The following ZRANB3 variants were observed in gnomAD, a reference collection of about 807,000 sequenced individuals.
ZRANB3 encodes the protein DNA annealing helicase and endonuclease ZRANB3.
Under a neutral mutation model 133.8 loss-of-function variants are expected in ZRANB3, and 125 were observed. That is an observed-to-expected ratio of 0.93 (90% CI 0.81 to 1.08). The LOEUF (loss-of-function observed/expected upper bound fraction) is 1.08. Ranked by LOEUF, ZRANB3 falls within the 50% of genes least tolerant of loss-of-function variation. The pLI, the probability that ZRANB3 is intolerant of heterozygous loss-of-function variation, is 0.00. For synonymous variants in ZRANB3, 387 were observed against 432.7 expected (o/e 0.89, Z 1.31); for missense variants, 1,229 against 1,275.5 (o/e 0.96, Z 0.56).
intron 2 of ZRANB3, among the ~76,000 whole-genome samples, chr2:135,484,267 C>A (rs1023320121): frequency 2.6e-5 from 4 of 152,048 alleles, no homozygotes; most frequent in Non-Finnish European, 5.9e-5. Flanking sequence ...TATGTCAGAA[C>A]AATAGCCATA....
At chr2:135,499,953 T>A (rs1270678203) in intron 2 of ZRANB3, among the ~76,000 whole-genome samples, 1 of 152,160 alleles carries the variant, frequency 6.6e-6, no homozygotes, top group African/African-American at 2.4e-5. Context: ...ATATGACTAG[T>A]GTCCATATAA....
intron 6 of ZRANB3, among the ~76,000 whole-genome samples, chr2:135,340,064 T>C (rs1272177721): frequency 1.3e-5 from 2 of 151,934 alleles, no homozygotes; most frequent in African/African-American, 4.8e-5. Flanking sequence ...CTGGAATTTA[T>C]TGTTGTGTAA....
rs567326297 is a variant in ZRANB3 at position 135,256,010 on chromosome 2, G to A, written c.1539+9524C>T. Among the ~76,000 whole-genome samples the A allele has an allele frequency of 8.0e-4, 121 of 151,436 alleles. 1 individual carries two copies. Among genetic ancestry groups the A allele is most frequent in the African/African-American group, 2.6e-3 (107 of 41,220 alleles). On this transcript the variant is annotated intron_variant, in intron 12 of 20. Transcript: ENST00000264159. ...CTCACTACAGACTCGACCGCCCTGG[G>A]CTCAGGTGATCCTCTCACCTCAGCC...
chr2:135,384,483 A>T (rs535447798), intron 3 of ZRANB3, among the ~76,000 whole-genome samples: 1 of 152,352 alleles, frequency 6.6e-6, no homozygotes, highest in Admixed American at 6.5e-5. Flanking sequence ...AATCCTCCCT[A>T]ACTCATTTTA....
chr2:135,383,549 C>T (rs546379160), intron 3 of ZRANB3, among the ~76,000 whole-genome samples: 3 of 152,274 alleles, frequency 2.0e-5, no homozygotes, highest in Non-Finnish European at 4.4e-5. Flanking sequence ...ATACATTCTT[C>T]TCAGCACCAC....
chr2:135,257,462 G>A (rs1679717873), intron 12 of ZRANB3, among the ~76,000 whole-genome samples: 1 of 152,108 alleles, frequency 6.6e-6, no homozygotes, highest in Non-Finnish European at 1.5e-5. Context: ...TACGATTGCT[G>A]GGTCATATGG....
At chr2:135,447,072 G>A (rs771356940) in intron 2 of ZRANB3, among the ~76,000 whole-genome samples, 9 of 151,452 alleles carry the variant, frequency 5.9e-5, no homozygotes, top group African/African-American at 1.2e-4. Flanking sequence ...AGAGACTCTC[G>A]CTCTGTCTGT....
At chr2:135,202,810 G>T in intron 20 of ZRANB3, 22 bp downstream of exon 20, 1 of 1,596,012 alleles carries the variant, frequency 6.3e-7, no homozygotes, top group Non-Finnish European at 8.5e-7. Flanking sequence ...TGCAGTCAAA[G>T]CTATATGAGA....
chr2:135,321,633 C>T (rs550402075), intron 6 of ZRANB3, among the ~76,000 whole-genome samples: 71 of 152,038 alleles, frequency 4.7e-4, no homozygotes, highest in African/African-American at 1.4e-3. Flanking sequence ...ACCACCATGC[C>T]GGGCTAATTT....
intron 2 of ZRANB3, among the ~76,000 whole-genome samples, chr2:135,418,209 T>C (rs1413053060): frequency 6.6e-6 from 1 of 152,180 alleles, no homozygotes; most frequent in Non-Finnish European, 1.5e-5. Flanking sequence ...TATTAAGCAT[T>C]ATAAGTAATC....
rs569317587 is a variant in ZRANB3, at chr2:135,243,924, A to G, written c.1540-12997T>C. On this transcript the variant is annotated intron_variant, in intron 12 of 20. Transcript: ENST00000264159. ...CATGAGCCACCATGCCCGGCCTTAA[A>G]TTTTTTTTTTTTTAAGAAGAGCAAA... Among the ~76,000 whole-genome samples the G allele has an allele frequency of 2.3e-4, 33 of 146,368 alleles. 1 individual carries two copies. In the East Asian group the frequency reaches 6.5e-3, roughly 29 times the overall value.
At chr2:135,472,890 A>G (rs550117883) in intron 2 of ZRANB3, among the ~76,000 whole-genome samples, 14 of 152,314 alleles carry the variant, frequency 9.2e-5, no homozygotes, top group African/African-American at 3.4e-4. Context: ...AAGTTTATAC[A>G]TCGTAGGGTT....
intron 16 of ZRANB3, among the ~76,000 whole-genome samples, chr2:135,218,277 G>C (rs1694393412): frequency 6.6e-6 from 1 of 152,160 alleles, no homozygotes; most frequent in Non-Finnish European, 1.5e-5. Context: ...GTGACAGAAT[G>C]ATAGTGCAAC....
At chr2:135,493,593 A>G (rs554800036) in intron 2 of ZRANB3, among the ~76,000 whole-genome samples, 2 of 152,210 alleles carry the variant, frequency 1.3e-5, no homozygotes, top group South Asian at 2.1e-4. Context: ...AGAAAGTACA[A>G]AGTAAAACAT....
intron 19 of ZRANB3, 105 bp from the exon 20 acceptor site, chr2:135,203,068 GA>G: frequency 8.1e-6 from 11 of 1,353,114 alleles, no homozygotes; most frequent in Admixed American, 4.3e-5. Context: ...AAATCATGGG[GA>G]AAAATACATC....
intron 2 of ZRANB3, among the ~76,000 whole-genome samples, chr2:135,404,564 A>T (rs1200983605): frequency 6.6e-6 from 1 of 152,208 alleles, no homozygotes; most frequent in Non-Finnish European, 1.5e-5. Context: ...CAAACTAGCA[A>T]GTCAGGCCAA....
At chr2:135,363,685 G>A (rs972827373) in intron 3 of ZRANB3, among the ~76,000 whole-genome samples, 1 of 152,070 alleles carries the variant, frequency 6.6e-6, no homozygotes, top group Non-Finnish European at 1.5e-5. Flanking sequence ...GAAATGGGGG[G>A]AAAAAGTCCA....
intron 2 of ZRANB3, among the ~76,000 whole-genome samples, chr2:135,483,519 T>A (rs940768082): frequency 2.0e-5 from 3 of 152,220 alleles, no homozygotes; most frequent in East Asian, 3.9e-4. Context: ...TTTTTATTAG[T>A]ATTGCTAGTG....
At chr2:135,276,488 C>T (rs1425837725) in intron 8 of ZRANB3, among the ~76,000 whole-genome samples, 1 of 151,728 alleles carries the variant, frequency 6.6e-6, no homozygotes, top group African/African-American at 2.4e-5. Context: ...TAACTTGAGG[C>T]CAAGTTACTT....
Sources: gnomAD v4.1 joint callset for allele counts (sites outside exome capture counted in the v4.1 genomes callset) on GRCh38, gnomAD v4.1.1 for gene constraint, MANE v1.5 for transcripts, NCBI Gene and HGNC (gene_info 2026-07-23, HGNC 2026-07-21) for gene names.